Variants in SMARCD3 observed in about 807,000 individuals in gnomAD.
SMARCD3 encodes the protein SWI/SNF related BAF chromatin remodeling complex subunit D3, also known as SWI/SNF-related matrix-associated actin-dependent regulator of chromatin subfamily D member 3.
In SMARCD3, 14 loss-of-function variants were observed where a neutral mutation model predicts 58.0. The ratio of observed to expected loss-of-function variants is 0.24; its 90% CI spans 0.16 to 0.38. The LOEUF (loss-of-function observed/expected upper bound fraction) is 0.38. Among genes scored for constraint, SMARCD3 ranks in the 10% least tolerant of loss-of-function variants. The probability of loss-of-function intolerance (pLI) is 1.00; values close to 1 mark genes in which losing one functional copy is unlikely to be tolerated. For synonymous variants in SMARCD3, 253 were observed against 253.8 expected (o/e 1.00, Z 0.03); for missense variants, 408 against 636.9 (o/e 0.64, Z 3.87).
Position 151,257,131 on chromosome 7 carries a change from T to C in SMARCD3, c.40-11460A>G, listed in dbSNP as rs1034927759. On this transcript the variant is annotated intron_variant, in intron 2 of 13. Transcript: ENST00000356800. ...GTCTCAAACTCCCGGGCTCAAGTGA[T>C]CCTCCCGCCTCAGCCTCCCAAACTG... Among the ~76,000 whole-genome samples the C allele has an allele frequency of 3.9e-5, 6 of 152,186 alleles. No individual in the cohort carries two copies. The East Asian group carries it at 1.2e-3, about 29-fold the overall frequency.
intron 2 of SMARCD3, among the ~76,000 whole-genome samples, chr7:151,271,823 A>G (rs945440566): frequency 6.6e-6 from 1 of 152,076 alleles, no homozygotes; most frequent in Non-Finnish European, 1.5e-5. Context: ...GCTAGGGGGC[A>G]TTGTGGCTTA....
At chr7:151,256,900 C>T (rs1803718720) in intron 2 of SMARCD3, among the ~76,000 whole-genome samples, 2 of 152,156 alleles carry the variant, frequency 1.3e-5, no homozygotes. Context: ...CCTCCGTGTG[C>T]CAGCTCCGTC....
chr7:151,258,538 C>T (rs1463640062), intron 2 of SMARCD3, among the ~76,000 whole-genome samples: 1 of 143,994 alleles, frequency 6.9e-6, no homozygotes, highest in Admixed American at 7.3e-5. Flanking sequence ...GCACTCCAGC[C>T]TGGGCAACAG....
At chr7:151,273,486 C>T (rs1047540733) in intron 2 of SMARCD3, among the ~76,000 whole-genome samples, 5 of 152,216 alleles carry the variant, frequency 3.3e-5, no homozygotes, top group Non-Finnish European at 5.9e-5. Flanking sequence ...ATCAGCCTGC[C>T]CCCCGTTCAA....
In SMARCD3 at chr7:151,240,287, C is replaced by A. The variant is rs761976432; in HGVS notation, c.1038-40G>T. 16 of 1,461,012 alleles carry A rather than the reference C, an allele frequency of 1.1e-5. No individual in the cohort carries two copies. The South Asian group carries it at 1.7e-4, about 16-fold the overall frequency. 90.5% of individuals were successfully genotyped at this position (1,461,012 alleles called of 1,614,324 possible). ...CAGCCCTTCGTGTCCACGATGCCCC[C>A]ATACGGCCCCAGGGCCCCGGGGCTG... On this transcript the variant is annotated intron_variant, in intron 9 of 12. Coordinates refer to ENST00000262188, the MANE Select transcript of SMARCD3 (RefSeq NM_001003801.2).
At chr7:151,249,190 C>T (rs1025453869), upstream of SMARCD3, 3 of 151,992 alleles carry the variant, frequency 2.0e-5, no homozygotes, top group Non-Finnish European at 2.9e-5. The surrounding 1 kb of genome is among the most constrained non-coding windows in gnomAD (Gnocchi z 4.8). Context: ...TGGCAGGAAC[C>T]GGGGGAGCCC....
At chr7:151,257,119 G>C (rs1363163631) in intron 2 of SMARCD3, among the ~76,000 whole-genome samples, 1 of 152,124 alleles carries the variant, frequency 6.6e-6, no homozygotes, top group Admixed American at 6.6e-5. Context: ...TCAAACTCCC[G>C]GGCTCAAGTG....
At position 151,245,095 on chromosome 7, in the gene SMARCD3, T is replaced by C. The variant is rs1430904424; in HGVS notation, c.290+365A>G. On this transcript the variant is annotated intron_variant, in intron 2 of 12. Coordinates refer to ENST00000262188, the MANE Select transcript of SMARCD3 (RefSeq NM_001003801.2). This position sits in a 1 kb window ranked among gnomAD's most constrained non-coding sequence, Gnocchi z 6.2. Reference sequence around the variant, plus strand: ...GAGAACCACACTTTGGGGAACACAGTCCTACACCTCTGCCCTCAGTCCCAC... The same window carrying C: ...GAGAACCACACTTTGGGGAACACAGCCCTACACCTCTGCCCTCAGTCCCAC... Among the ~76,000 whole-genome samples the C allele has an allele frequency of 6.6e-6, 1 of 152,070 alleles. No homozygotes were observed. The highest frequency in any genetic ancestry group is 2.4e-5 in the African/African-American group (1 of 41,376).
At chr7:151,269,935 A>G (rs1161457080) in intron 2 of SMARCD3, among the ~76,000 whole-genome samples, 1 of 152,192 alleles carries the variant, frequency 6.6e-6, no homozygotes, top group Non-Finnish European at 1.5e-5. Flanking sequence ...ACCTTCTAGC[A>G]CAGGCACAGG....
In SMARCD3 at chr7:151,238,849, G is replaced by GT; in HGVS notation, c.*253dup. 6.8e-7 allele frequency: 1 copy of GT among 1,464,978 alleles called. No individual in the cohort carries two copies. Among genetic ancestry groups the GT allele is most frequent in the South Asian group, 1.2e-5 (1 of 80,988 alleles). The allele number at this position is 1,464,978 out of a possible 1,614,324, so 90.7% of individuals were successfully genotyped here. A position where few individuals can be genotyped will look rare whatever the true frequency, so the allele number is the denominator to read the frequency against. On this transcript the variant is annotated 3_prime_UTR_variant, in exon 13 of 13. Transcript: ENST00000262188. ...TGTTTTTAGGTCTAGGGAAAATTGAGTAAGGAGAAGAATCCAAGGGAAGGG... is the reference window on the plus strand; with the variant it reads ...TGTTTTTAGGTCTAGGGAAAATTGAGTTAAGGAGAAGAATCCAAGGGAAGGG...
rs1369123677 is a variant in SMARCD3 at position 151,241,640 on chromosome 7, T to G, written c.791A>C (p.Lys264Thr). The G allele has an allele frequency of 6.2e-7, 1 of 1,610,982 alleles. No homozygotes were observed. The highest frequency in any genetic ancestry group is 8.5e-7 in the Non-Finnish European group (1 of 1,178,610). The change falls in exon 8 of 13, where the codon AAA (lysine) becomes ACA (threonine). Residue 264 changes from lysine to threonine, a missense_variant. Lys to Thr is a moderately conservative substitution (Grantham distance 78). Transcript: ENST00000262188. The surrounding 1 kb of genome is among the most constrained non-coding windows in gnomAD (Gnocchi z 5.3). ...CAGCCGGGCTAGGCGGGGATCCAGT[T>G]TGAACTGGGGAGGCTGGGAAAAGGG... is the stretch of plus-strand genomic sequence containing the variant. The part of the protein sequence containing the change: ...LMLDYQPPQF[K>T]LDPRLARLLG...
chr7:151,250,100 C>A (rs1242501404), upstream of SMARCD3, among the ~76,000 whole-genome samples: 1 of 152,080 alleles, frequency 6.6e-6, no homozygotes, highest in Non-Finnish European at 1.5e-5. Context: ...GGTACTGACC[C>A]TAAACCCTTC....
At position 151,245,913 on chromosome 7, in the gene SMARCD3, G is replaced by A. The variant is rs545154411; in HGVS notation, c.79-242C>T. On this transcript the variant is annotated intron_variant, in intron 1 of 12. Coordinates refer to ENST00000262188, the MANE Select transcript of SMARCD3 (RefSeq NM_001003801.2). The surrounding 1 kb of genome is among the most constrained non-coding windows in gnomAD (Gnocchi z 6.2). ...GCTAACTGAAGCCAGGCACCGCACA[G>A]GGCATTGCGAGCCTCGGGGCTGCGG... 96 of 367,914 alleles carry A rather than the reference G, an allele frequency of 2.6e-4. 1 individual carries two copies. Among genetic ancestry groups the A allele is most frequent in the Non-Finnish European group, 4.0e-4 (82 of 206,724 alleles). The allele number at this position is 367,914 out of a possible 1,614,324, so 22.8% of individuals were successfully genotyped here.
chr7:151,242,642 GC>G lies in SMARCD3; in HGVS notation c.457-40del. ...GTGCAGAACCGGGCGAATGCTGTGT[GC>G]TCCCACCCCGACCACCCTGCTTCCC... On this transcript the variant is annotated intron_variant, in intron 4 of 12. Coordinates refer to ENST00000262188, the MANE Select transcript of SMARCD3 (RefSeq NM_001003801.2). The surrounding 1 kb of genome is among the most constrained non-coding windows in gnomAD (Gnocchi z 4.7). 2.5e-6 allele frequency: 4 copies of G among 1,612,104 alleles called. No homozygotes were observed. The highest frequency in any genetic ancestry group is 3.4e-6 in the Non-Finnish European group (4 of 1,178,290).
chr7:151,265,432 ACACTGG>A (rs1297278127), intron 2 of SMARCD3, among the ~76,000 whole-genome samples: 3 of 152,316 alleles, frequency 2.0e-5, no homozygotes, highest in Non-Finnish European at 2.9e-5. Flanking sequence ...CCAGCCTCCG[ACACTGG>A]GACCAGGAAT....
rs530193692 is a variant in SMARCD3 at position 151,266,781 on chromosome 7, G to A, written c.39+8333C>T. The stretch of plus-strand genomic sequence containing the variant: ...GGCTGGAGTACAGTGGTGTGATCAT[G>A]GCTTATTACAGCATGGACCTCCTGG... On this transcript the variant is annotated intron_variant, in intron 2 of 13. Transcript: ENST00000356800. Among the ~76,000 whole-genome samples the A allele has an allele frequency of 2.6e-5, 4 of 152,306 alleles. No homozygotes were observed. In the South Asian group the frequency reaches 8.3e-4, roughly 32 times the overall value.
intron 2 of SMARCD3, among the ~76,000 whole-genome samples, chr7:151,258,140 C>G (rs900375245): frequency 2.1e-4 from 32 of 152,146 alleles, no homozygotes; most frequent in Admixed American, 1.3e-4. Context: ...CCTATTGGCT[C>G]TGGACCCAGC....
At chr7:151,261,412 C>T (rs2150609414) in intron 2 of SMARCD3, among the ~76,000 whole-genome samples, 1 of 152,292 alleles carries the variant, frequency 6.6e-6, no homozygotes, top group East Asian at 1.9e-4. Flanking sequence ...GTTCTGGGTT[C>T]AAACCCCACC....
chr7:151,260,715 C>T (rs952613476), intron 2 of SMARCD3, among the ~76,000 whole-genome samples: 1 of 152,176 alleles, frequency 6.6e-6, no homozygotes, highest in Non-Finnish European at 1.5e-5. Flanking sequence ...CCCCTACCAC[C>T]TCACCTTGCC....
Sources: allele counts gnomAD v4.1 joint callset (sites outside exome capture counted in the v4.1 genomes callset), GRCh38; gene constraint gnomAD v4.1.1; non-coding constraint Gnocchi (gnomAD v3.1); transcripts MANE v1.5; gene names NCBI Gene and HGNC (gene_info 2026-07-23, HGNC 2026-07-21).